The following ZEB1 variants were observed in gnomAD, a reference collection of about 807,000 sequenced individuals.
The protein encoded by ZEB1 is zinc finger E-box-binding homeobox 1.
Under a neutral mutation model 84.9 loss-of-function variants are expected in ZEB1, and 21 were observed. The observed-to-expected ratio is 0.25, with a 90% CI of 0.18 to 0.36. ZEB1 has a LOEUF of 0.36. Among genes scored for constraint, ZEB1 ranks in the 10% least tolerant of loss-of-function variants. The pLI is 1.00. For missense variants in ZEB1, 1,104 were observed against 1,330.2 expected (o/e 0.83, Z 2.65); for synonymous variants, 420 against 471.1 (o/e 0.89, Z 1.41).
intron 1 of ZEB1, among the ~76,000 whole-genome samples, chr10:31,363,988 C>T (rs1403020793): frequency 3.3e-5 from 5 of 152,160 alleles, no homozygotes; most frequent in Admixed American, 1.3e-4. Flanking sequence ...AGCAGGTTGC[C>T]GATGGCATGG....
intron 1 of ZEB1, among the ~76,000 whole-genome samples, chr10:31,377,511 G>A (rs984792748): frequency 8.6e-5 from 13 of 151,716 alleles, no homozygotes; most frequent in African/African-American, 3.1e-4. Flanking sequence ...TGAAATGAGA[G>A]GAATTCATTA....
chr10:31,432,027 C>T (rs2057771809), intron 1 of ZEB1, among the ~76,000 whole-genome samples: 1 of 152,130 alleles, frequency 6.6e-6, no homozygotes, highest in African/African-American at 2.4e-5. Context: ...ATTCTGGTTA[C>T]TGCCCTCAAA....
chr10:31,442,564 TAATA>T (rs995901765), intron 1 of ZEB1, among the ~76,000 whole-genome samples: 110 of 139,980 alleles, frequency 7.9e-4, no homozygotes, highest in African/African-American at 3.3e-3. Context: ...ATAATAATAA[TAATA>T]AAAAAAAAAG....
rs545220935 is a variant in ZEB1, at chr10:31,520,968, C to A, written c.1636C>A (p.Pro546Thr). The A allele has an allele frequency of 1.2e-6, 2 of 1,614,032 alleles. No homozygotes were observed. Among genetic ancestry groups the A allele is most frequent in the East Asian group, 4.5e-5 (2 of 44,864 alleles). ...TTGTCCAGGAGATATTAATGCACTT[C>A]CAGAATTAAAGCACTATGACCTAAA... ...DDCPGDINALPELKHYDLKQP... is the reference protein window; with the variant it reads ...DDCPGDINALTELKHYDLKQP... Residue 546 changes from proline (P) to threonine (T), a missense_variant, in exon 7 of 9, where the codon CCA becomes ACA. By Grantham distance (38) the Pro-to-Thr change is conservative. Coordinates refer to ENST00000424869, the MANE Select transcript of ZEB1 (RefSeq NM_001174096.2). This position sits in a 1 kb window ranked among gnomAD's most constrained non-coding sequence, Gnocchi z 5.1.
intron 1 of ZEB1, among the ~76,000 whole-genome samples, chr10:31,330,271 A>G (rs2036469527): frequency 6.6e-6 from 1 of 152,184 alleles, no homozygotes; most frequent in African/African-American, 2.4e-5. Flanking sequence ...GGCCCAACTA[A>G]TACCCAAAGC....
chr10:31,407,140 A>G (rs2053241837), intron 1 of ZEB1, among the ~76,000 whole-genome samples: 1 of 151,566 alleles, frequency 6.6e-6, no homozygotes, highest in East Asian at 1.9e-4. Context: ...ACATGTGCAC[A>G]ATGTGCAGGT....
intron 1 of ZEB1, among the ~76,000 whole-genome samples, chr10:31,459,830 AGTGTGTGTGTGTGTGTGTGTGTGTGTGT>A (rs3086581): frequency 2.3e-5 from 3 of 129,812 alleles, no homozygotes; most frequent in Non-Finnish European, 3.4e-5. Flanking sequence ...TGTTCTCAGG[AGTGTGTGTGTGTGTGTGTGTGTGTGTGT>A]GTGTGTGTGT....
chr10:31,380,965 T>G (rs2047524161), intron 1 of ZEB1, among the ~76,000 whole-genome samples: 1 of 152,162 alleles, frequency 6.6e-6, no homozygotes, highest in East Asian at 1.9e-4. Context: ...TCAAATACAT[T>G]ATTTTGTGAT....
chr10:31,485,543 A>T (rs2065615985), intron 2 of ZEB1, among the ~76,000 whole-genome samples: 1 of 152,048 alleles, frequency 6.6e-6, no homozygotes, highest in Admixed American at 6.6e-5. Context: ...ATACAAAAAC[A>T]TTATTGTGTA....
intron 1 of ZEB1, among the ~76,000 whole-genome samples, chr10:31,345,624 G>T (rs1420922671): frequency 1.3e-5 from 2 of 152,080 alleles, no homozygotes; most frequent in Non-Finnish European, 2.9e-5. Flanking sequence ...GGATATGTAG[G>T]TAAACCTGCC....
chr10:31,409,855 A>C (rs2053898177), intron 1 of ZEB1, among the ~76,000 whole-genome samples: 1 of 152,136 alleles, frequency 6.6e-6, no homozygotes, highest in Non-Finnish European at 1.5e-5. Context: ...TTGCACATTG[A>C]TTTTGTATCC....
chr10:31,454,015 A>C (rs778217513), intron 1 of ZEB1, among the ~76,000 whole-genome samples: 43 of 152,186 alleles, frequency 2.8e-4, no homozygotes, highest in Non-Finnish European at 5.4e-4. Flanking sequence ...CCTCAATAAA[A>C]TACTGGCAAA....
chr10:31,364,648 C>G (rs2134236223), intron 1 of ZEB1, among the ~76,000 whole-genome samples: 1 of 152,338 alleles, frequency 6.6e-6, no homozygotes, highest in East Asian at 1.9e-4. Context: ...CTGGATGCAC[C>G]TCTTACCACA....
At chr10:31,458,327 G>GTGTGTGTGT (rs765636061) in intron 1 of ZEB1, among the ~76,000 whole-genome samples, 1 of 125,950 alleles carries the variant, frequency 7.9e-6, no homozygotes, top group African/African-American at 5.3e-5. Context: ...GTGTGTGTGT[G>GTGTGTGTGT]TGTGTGTGTT....
At chr10:31,444,804 T>C (rs1384157511) in intron 1 of ZEB1, among the ~76,000 whole-genome samples, 3 of 150,952 alleles carry the variant, frequency 2.0e-5, no homozygotes, top group African/African-American at 7.3e-5. Context: ...CCATGCTGTT[T>C]TGGTTACTGT....
chr10:31,337,840 A>G (rs1156274659), intron 1 of ZEB1, among the ~76,000 whole-genome samples: 1 of 151,568 alleles, frequency 6.6e-6, no homozygotes, highest in Non-Finnish European at 1.5e-5. Flanking sequence ...ACCCACCACC[A>G]CGCTGGCTAA....
chr10:31,429,334 AC>A (rs2136212773), intron 1 of ZEB1, among the ~76,000 whole-genome samples: 1 of 152,248 alleles, frequency 6.6e-6, no homozygotes, highest in South Asian at 2.1e-4. Flanking sequence ...AGTTTGGCTA[AC>A]TATGAAATTC....
intron 1 of ZEB1, among the ~76,000 whole-genome samples, chr10:31,455,010 C>G (rs1404036718): frequency 2.6e-5 from 4 of 152,304 alleles, no homozygotes; most frequent in Non-Finnish European, 5.9e-5. Context: ...TGACTTCAAA[C>G]TATACTACCT....
chr10:31,473,215 T>C (rs1228865932), intron 2 of ZEB1, among the ~76,000 whole-genome samples: 2 of 150,846 alleles, frequency 1.3e-5, no homozygotes, highest in Admixed American at 6.6e-5. Context: ...CCAGGGCAAT[T>C]AGGCAGGAGA....
Sources: allele counts gnomAD v4.1 joint callset (sites outside exome capture counted in the v4.1 genomes callset), GRCh38; gene constraint gnomAD v4.1.1; non-coding constraint Gnocchi (gnomAD v3.1); transcripts MANE v1.5; gene names NCBI Gene and HGNC (gene_info 2026-07-23, HGNC 2026-07-21).